Variants in POLN observed in about 807,000 individuals in gnomAD.
POLN encodes the protein DNA polymerase N.
In POLN, 108 loss-of-function variants were observed where a neutral mutation model predicts 113.5. The observed-to-expected ratio is 0.95, with a 90% CI of 0.81 to 1.12. POLN has a LOEUF of 1.12. POLN is among the 50% of genes most tolerant of loss of function. The pLI, the probability that POLN is intolerant of heterozygous loss-of-function variation, is 0.00. For missense variants in POLN, 1,097 were observed against 1,077.1 expected, an observed-to-expected ratio of 1.02 and a Z score of -0.26; for synonymous variants, 386 against 391.5, an observed-to-expected ratio of 0.99 and a Z score of 0.17.
Position 2,072,180 on chromosome 4 carries a change from A to G in POLN, c.2637T>C (p.Ala879=), listed in dbSNP as rs1233065190. The change falls in exon 26 of 26, where the codon GCT becomes GCC. Residue 879 remains alanine (A), a synonymous_variant. Coordinates refer to ENST00000511885, the MANE Select transcript of POLN (RefSeq NM_181808.4). The part of the protein sequence containing the change: ...CRTESPSNSL[A]APGSPASTQP... ...GGGTGCTGGCAGGGGACCCAGGGGCAGCCAGGCTGTTGCTGGGAGACTCAG... is the reference window on the plus strand; with the variant it reads ...GGGTGCTGGCAGGGGACCCAGGGGCGGCCAGGCTGTTGCTGGGAGACTCAG... 1 of 1,611,360 alleles carries G rather than the reference A, an allele frequency of 6.2e-7. No homozygotes were observed. The highest frequency in any genetic ancestry group is 1.1e-5 in the South Asian group (1 of 91,048).
At chr4:2,108,098 C>T (rs752203811) in intron 19 of POLN, among the ~76,000 whole-genome samples, 3 of 152,218 alleles carry the variant, frequency 2.0e-5, no homozygotes, top group Non-Finnish European at 2.9e-5. Context: ...TTCAAAGAAG[C>T]CTTCCTGACT....
At chr4:2,106,150 T>C (rs1456769418) in intron 19 of POLN, among the ~76,000 whole-genome samples, 1 of 151,570 alleles carries the variant, frequency 6.6e-6, no homozygotes, top group Non-Finnish European at 1.5e-5. Flanking sequence ...GTCTTCATAA[T>C]GAAAAAAAAA....
At chr4:2,085,874 CT>C in intron 20 of POLN, 130 bp from the exon 21 acceptor site, 1 of 1,234,284 alleles carries the variant, frequency 8.1e-7, no homozygotes, top group Non-Finnish European at 1.1e-6. Flanking sequence ...TTGGCGTTGA[CT>C]TTACAAGCCA....
intron 16 of POLN, among the ~76,000 whole-genome samples, chr4:2,133,503 T>C (rs1241704228): frequency 6.6e-6 from 1 of 152,208 alleles, no homozygotes; most frequent in Non-Finnish European, 1.5e-5. Flanking sequence ...AATGACATCC[T>C]GTCATTCGCA....
chr4:2,173,467 T>C (rs1211412447), intron 11 of POLN, among the ~76,000 whole-genome samples: 1 of 150,146 alleles, frequency 6.7e-6, no homozygotes, highest in African/African-American at 2.4e-5. Flanking sequence ...TTTATTTTAC[T>C]GTATGTTTGC....
chr4:2,081,813 C>T, intron 21 of POLN, 70 bp from the exon 22 acceptor site: 2 of 1,365,770 alleles, frequency 1.5e-6, no homozygotes, highest in African/African-American at 1.4e-5. Flanking sequence ...CTCCCTCGGG[C>T]CAGGTCCAGA....
intron 2 of POLN, among the ~76,000 whole-genome samples, chr4:2,237,157 G>A (rs577197596): frequency 6.6e-6 from 1 of 152,148 alleles, no homozygotes; most frequent in East Asian, 1.9e-4. Context: ...CTATGATGTA[G>A]TAGAAACAAC....
At chr4:2,156,621 T>C (rs1357440922) in intron 16 of POLN, 167 bp downstream of exon 16, 1 of 678,674 alleles carries the variant, frequency 1.5e-6, no homozygotes, top group Non-Finnish European at 2.6e-6. Flanking sequence ...CCCATCTGTC[T>C]TGTTCTCCTG....
In POLN at chr4:2,241,690, G is replaced by C; in HGVS notation, c.-183C>G. ...GGCCGCGCGAACCCCAGAGGCAGCGGCAAGCCCCAGGGATCCGCGGCCCCA... is the reference window on the plus strand; with the variant it reads ...GGCCGCGCGAACCCCAGAGGCAGCGCCAAGCCCCAGGGATCCGCGGCCCCA... On this transcript the variant is annotated 5_prime_UTR_variant, in exon 2 of 26. Coordinates refer to ENST00000511885, the MANE Select transcript of POLN (RefSeq NM_181808.4). The C allele has an allele frequency of 7.1e-6, 7 of 985,508 alleles. No homozygotes were observed. The highest frequency in any genetic ancestry group is 8.4e-6 in the Non-Finnish European group (7 of 829,976). 61.0% of individuals were successfully genotyped at this position (985,508 alleles called of 1,614,324 possible).
chr4:2,074,820 CCT>C (rs1467166938), intron 24 of POLN, among the ~76,000 whole-genome samples: 2 of 152,188 alleles, frequency 1.3e-5, no homozygotes, highest in Non-Finnish European at 2.9e-5. Context: ...TCGCCTCTCC[CCT>C]GTGAGGCCAG....
chr4:2,168,657 G>A (rs1732787825), intron 13 of POLN, among the ~76,000 whole-genome samples: 1 of 152,228 alleles, frequency 6.6e-6, no homozygotes, highest in Non-Finnish European at 1.5e-5. Context: ...CTGGTGCCAG[G>A]ACAGAGGTGA....
At chr4:2,147,251 T>C (rs1732166651) in intron 16 of POLN, among the ~76,000 whole-genome samples, 1 of 152,314 alleles carries the variant, frequency 6.6e-6, no homozygotes, top group Admixed American at 6.5e-5. Context: ...GCTCTGCTGA[T>C]GCAGAAACAT....
chr4:2,078,540 A>G, intron 23 of POLN: 1 of 959,502 alleles, frequency 1.0e-6, no homozygotes, highest in Non-Finnish European at 1.2e-6. Flanking sequence ...GTGCGATCTC[A>G]GCTCACTCTA....
At chr4:2,192,299 T>G (rs1733470676) in intron 7 of POLN, among the ~76,000 whole-genome samples, 1 of 151,660 alleles carries the variant, frequency 6.6e-6, no homozygotes, top group South Asian at 2.1e-4. Flanking sequence ...ACCACCTAGA[T>G]TCTACAATGA....
intron 3 of POLN, among the ~76,000 whole-genome samples, chr4:2,218,120 CT>C (rs1212818682): frequency 1.5e-4 from 23 of 151,882 alleles, no homozygotes; most frequent in Admixed American, 1.4e-3. Context: ...GACCCAGTCT[CT>C]TGGGGAAAAA....
rs1730715392 is a variant in POLN, at chr4:2,093,587, TTA to T, written c.2065+2262_2065+2263del. ...CCTGCCGGCAGAGCAGAAGCAAATG[TTA>T]TGTTTGCAACACAAGATGCAGCAGG... On this transcript the variant is annotated intron_variant, in intron 20 of 25. Transcript: ENST00000511885. The surrounding 1 kb of genome is among the most constrained non-coding windows in gnomAD (Gnocchi z 4.1). Among the ~76,000 whole-genome samples the T allele has an allele frequency of 6.6e-6, 1 of 152,108 alleles. No homozygotes were observed. The highest frequency in any genetic ancestry group is 2.4e-5 in the African/African-American group (1 of 41,408).
At chr4:2,175,859 C>A (rs528055601) in intron 9 of POLN, among the ~76,000 whole-genome samples, 1 of 152,098 alleles carries the variant, frequency 6.6e-6, no homozygotes, top group Admixed American at 6.5e-5. Flanking sequence ...GTTCCCTTTG[C>A]CCTCCCTGGC....
chr4:2,156,139 T>C (rs1331585616), intron 16 of POLN, among the ~76,000 whole-genome samples: 8 of 152,128 alleles, frequency 5.3e-5, no homozygotes, highest in Admixed American at 4.6e-4. Context: ...GCCTAAAAAA[T>C]TGTATTTTAT....
At chr4:2,135,102 T>C (rs1158337638) in intron 16 of POLN, among the ~76,000 whole-genome samples, 1 of 152,166 alleles carries the variant, frequency 6.6e-6, no homozygotes. Flanking sequence ...TCATGACGTG[T>C]GTATCACACA....
Sources: gnomAD v4.1 joint callset for allele counts (sites outside exome capture counted in the v4.1 genomes callset) on GRCh38, gnomAD v4.1.1 for gene constraint, Gnocchi (gnomAD v3.1) non-coding constraint, MANE v1.5 for transcripts, NCBI Gene and HGNC (gene_info 2026-07-23, HGNC 2026-07-21) for gene names.